The following PTPN9 variants were observed in gnomAD, a reference collection of about 807,000 sequenced individuals.
PTPN9 encodes tyrosine-protein phosphatase non-receptor type 9.
A neutral mutation model predicts 69.8 loss-of-function variants in PTPN9; 26 were observed. The observed-to-expected ratio is 0.37, with a 90% CI of 0.27 to 0.52. The LOEUF (loss-of-function observed/expected upper bound fraction) is 0.52, where lower values mean the gene tolerates loss of function less well. Ranked by LOEUF, PTPN9 falls within the 20% of genes least tolerant of loss-of-function variation. The probability of loss-of-function intolerance (pLI) is 0.91; values close to 1 mark genes in which losing one functional copy is unlikely to be tolerated. For missense variants in PTPN9, 549 were observed against 740.3 expected (o/e 0.74, Z 3.00); for synonymous variants, 274 against 272.5 (o/e 1.01, Z -0.05).
intron 7 of PTPN9, among the ~76,000 whole-genome samples, chr15:75,500,342 C>T (rs1567484569): frequency 7.2e-6 from 1 of 138,942 alleles, no homozygotes; most frequent in Non-Finnish European, 1.6e-5. Flanking sequence ...AACAAACATA[C>T]ATACACACAC....
intron 1 of PTPN9, among the ~76,000 whole-genome samples, chr15:75,548,968 A>G (rs2075045811): frequency 6.6e-6 from 1 of 150,708 alleles, no homozygotes; most frequent in Admixed American, 6.6e-5. Flanking sequence ...TTTCAAAAAA[A>G]GAAAAATAGA....
chr15:75,573,809 G>C (rs7184046), intron 1 of PTPN9, among the ~76,000 whole-genome samples: 52,317 of 152,094 alleles, frequency 0.34, 10,344 homozygotes, highest in African/African-American at 0.53. Flanking sequence ...ACACAAATAA[G>C]TGTTAACTTG....
chr15:75,468,592 T>C lies in PTPN9; in HGVS notation c.*177A>G. 1 of 567,796 alleles carries C rather than the reference T, an allele frequency of 1.8e-6. No individual in the cohort carries two copies. The highest frequency in any genetic ancestry group is 2.6e-5 in the South Asian group (1 of 38,244). The allele number at this position is 567,796 out of a possible 1,614,324, so 35.2% of individuals were successfully genotyped here. ...TGCTACTGGCCCTTTCTAGTGGCAATTTCACCACATTTATCTAGCCAAAGG... is the reference window on the plus strand; with the variant it reads ...TGCTACTGGCCCTTTCTAGTGGCAACTTCACCACATTTATCTAGCCAAAGG... On this transcript the variant is annotated 3_prime_UTR_variant, in exon 13 of 13. Coordinates refer to ENST00000618819, the MANE Select transcript of PTPN9 (RefSeq NM_002833.4).
chr15:75,553,000 C>G (rs1260145036), intron 1 of PTPN9, among the ~76,000 whole-genome samples: 1 of 151,800 alleles, frequency 6.6e-6, no homozygotes. Flanking sequence ...GGTTTGTATT[C>G]CAGATTCTAT....
chr15:75,469,906 T>C lies in PTPN9; in HGVS notation c.1453A>G (p.Arg485Gly). ...SSAASLIDFL[R>G]VVRNQQSLAV... ...AGACTCTGCTGGTTTCTGACCACTC[T>C]CAAGAAGTCAATGAGGGAAGCTGCT... The change falls in exon 12 of 13, where the codon AGA (arginine) becomes GGA (glycine). Residue 485 changes from arginine (R) to glycine (G), a missense_variant. By Grantham distance (125) the Arg-to-Gly change is moderately radical. Around this residue, in one of 3 missense-constraint regions of PTPN9, gnomAD observed 457 missense variants for 661.9 expected, o/e 0.69. Transcript: ENST00000618819. 1 of 1,614,198 alleles carries C rather than the reference T, an allele frequency of 6.2e-7. No individual in the cohort carries two copies. Among genetic ancestry groups the C allele is most frequent in the Non-Finnish European group, 8.5e-7 (1 of 1,180,020 alleles).
rs879169350 is a variant in PTPN9 at position 75,578,949 on chromosome 15, T to G, written c.-173A>C. 24 of 311,632 alleles carry G rather than the reference T, an allele frequency of 7.7e-5. No individual in the cohort carries two copies. In the East Asian group the frequency reaches 1.2e-3, roughly 16 times the overall value. 19.3% of individuals were successfully genotyped at this position (311,632 alleles called of 1,614,324 possible). A position where few individuals can be genotyped will look rare whatever the true frequency, so the allele number is the denominator to read the frequency against. ...GCCGCAAACGCCGCTTCTGCTTCCT[T>G]AAGAAAAATCTCTCCGAACTGCCGC... On this transcript the variant is annotated 5_prime_UTR_variant, in exon 1 of 13. Transcript: ENST00000618819.
At chr15:75,576,750 G>A (rs1470733896) in intron 1 of PTPN9, among the ~76,000 whole-genome samples, 1 of 152,122 alleles carries the variant, frequency 6.6e-6, no homozygotes, top group Admixed American at 6.6e-5. Flanking sequence ...AGAGGTTGCA[G>A]TGAGCCAAGA....
intron 8 of PTPN9, among the ~76,000 whole-genome samples, chr15:75,488,621 C>A (rs909075507): frequency 6.6e-6 from 1 of 151,194 alleles, no homozygotes. Flanking sequence ...GACCCTAGGT[C>A]TACAAAAATA....
intron 1 of PTPN9, among the ~76,000 whole-genome samples, chr15:75,542,944 A>C (rs1387454589): frequency 6.8e-6 from 1 of 147,782 alleles, no homozygotes; most frequent in Non-Finnish European, 1.5e-5. Context: ...GATGTGCTGC[A>C]CCCATTAACT....
chr15:75,472,490 TA>T (rs1451754198), intron 10 of PTPN9, among the ~76,000 whole-genome samples: 4 of 144,168 alleles, frequency 2.8e-5, no homozygotes, highest in African/African-American at 1.1e-4. Flanking sequence ...TAAAATAAAA[TA>T]AAAATAAAAT....
chr15:75,554,667 C>G (rs1358866708), intron 1 of PTPN9, among the ~76,000 whole-genome samples: 1 of 152,162 alleles, frequency 6.6e-6, no homozygotes, highest in Non-Finnish European at 1.5e-5. Context: ...CTCAGATAAA[C>G]TCAGGAACAA....
rs2074540424 is a variant in PTPN9, at chr15:75,467,243, G to A, written c.*1526C>T. On this transcript the variant is annotated 3_prime_UTR_variant, in exon 13 of 13. Coordinates refer to ENST00000618819, the MANE Select transcript of PTPN9 (RefSeq NM_002833.4). ...AGTCCATTGATATTAAATACAAAAT[G>A]AAATGATTGTAAAAAATAATAATAT... 6.6e-6 allele frequency: 1 copy of A among 152,552 alleles called. No homozygotes were observed. Among genetic ancestry groups the A allele is most frequent in the African/African-American group, 2.4e-5 (1 of 41,428 alleles). The allele number at this position is 152,552 out of a possible 1,614,324, so 9.4% of individuals were successfully genotyped here. A position where few individuals can be genotyped will look rare whatever the true frequency, so the allele number is the denominator to read the frequency against.
Position 75,468,979 on chromosome 15 carries a change from G to T in PTPN9, c.1572C>A (p.Thr524=). Residue 524 remains threonine, a synonymous_variant, in exon 13 of 13, where the codon ACC becomes ACA. Transcript: ENST00000618819. ...HCSAGIGRTG[T]FCSLDICLAQ... ...CCAGGCAGATGTCCAGTGAGCAGAA[G>T]GTACCTGAAGAAGGAAGGAAGTGAT... The T allele has an allele frequency of 6.2e-7, 1 of 1,610,440 alleles. No individual in the cohort carries two copies. Among genetic ancestry groups the T allele is most frequent in the South Asian group, 1.1e-5 (1 of 91,000 alleles).
chr15:75,575,996 G>A (rs1449500908), intron 1 of PTPN9, among the ~76,000 whole-genome samples: 1 of 151,764 alleles, frequency 6.6e-6, no homozygotes, highest in Non-Finnish European at 1.5e-5. Context: ...CATTTTGGGA[G>A]GCCAAGGCGG....
At chr15:75,496,585 G>A (rs1312085353) in intron 7 of PTPN9, among the ~76,000 whole-genome samples, 3 of 150,344 alleles carry the variant, frequency 2.0e-5, no homozygotes, top group Non-Finnish European at 2.9e-5. Flanking sequence ...CAGCCTCAAC[G>A]TCCCAGGCTC....
intron 1 of PTPN9, among the ~76,000 whole-genome samples, chr15:75,549,207 T>A (rs2075046537): frequency 6.6e-6 from 1 of 152,060 alleles, no homozygotes; most frequent in South Asian, 2.1e-4. Context: ...CCAATTTCAT[T>A]TTTTTTTCTT....
At chr15:75,490,765 C>T (rs2074704863) in intron 7 of PTPN9, among the ~76,000 whole-genome samples, 1 of 152,152 alleles carries the variant, frequency 6.6e-6, no homozygotes, top group Non-Finnish European at 1.5e-5. Context: ...GCTGGGACTA[C>T]AGGCTCCCGC....
At chr15:75,499,015 T>C (rs2074758850) in intron 7 of PTPN9, among the ~76,000 whole-genome samples, 1 of 152,140 alleles carries the variant, frequency 6.6e-6, no homozygotes, top group Admixed American at 6.5e-5. Flanking sequence ...GGGATAACTG[T>C]AGAAAGGGTA....
intron 1 of PTPN9, among the ~76,000 whole-genome samples, chr15:75,528,253 G>A (rs1451469704): frequency 6.6e-6 from 1 of 151,906 alleles, no homozygotes; most frequent in Admixed American, 6.6e-5. Flanking sequence ...TTCCAGAACT[G>A]TTTCTATCTC....
Sources: allele counts gnomAD v4.1 joint callset (sites outside exome capture counted in the v4.1 genomes callset), GRCh38; gene constraint gnomAD v4.1.1; regional missense constraint gnomAD v4.1.1; transcripts MANE v1.5; gene names NCBI Gene and HGNC (gene_info 2026-07-23, HGNC 2026-07-21).